UTY: variants seen among roughly 807,000 people sequenced by gnomAD.
UTY encodes ubiquitously transcribed tetratricopeptide repeat containing, Y-linked.
UTY carries 12 observed loss-of-function variants against 32.5 expected under a neutral mutation model. The observed-to-expected ratio is 0.37, with a 90% CI of 0.24 to 0.60. The LOEUF (loss-of-function observed/expected upper bound fraction) is 0.60. UTY is among the 20% of genes least tolerant of loss of function. The pLI is 0.69. For missense variants in UTY, 303 were observed against 299.2 expected (o/e 1.01, Z -0.09); for synonymous variants, 131 against 103.4 (o/e 1.27, Z -1.62).
At chrY:13,360,378 A>G (rs1603435392) in intron 11 of UTY, 52 bp downstream of exon 11, 2 of 324,049 alleles carry the variant, frequency 6.2e-6, no homozygotes, top group East Asian at 9.5e-5. Flanking sequence ...AGATGTTTCA[A>G]TCATCCAGTG....
At chrY:13,345,471 C>G (rs2061827585) in intron 17 of UTY, among the ~76,000 whole-genome samples, 1 of 34,109 alleles carries the variant, frequency 2.9e-5, no homozygotes, top group Non-Finnish European at 7.3e-5. Context: ...ACTGAATTTA[C>G]AAGCATAATT....
chrY:13,236,694 C>T, intron 28 of UTY, among the ~76,000 whole-genome samples: 1 of 33,095 alleles, frequency 3.0e-5, no homozygotes, highest in Non-Finnish European at 7.4e-5. Context: ...AAATTAAATA[C>T]GCATGCAACA....
chrY:13,447,221 G>A (rs2150052476), intron 4 of UTY, among the ~76,000 whole-genome samples: 1 of 32,887 alleles, frequency 3.0e-5, no homozygotes, highest in South Asian at 6.8e-4. Context: ...AGAACATGTG[G>A]TGTTTGGTTT....
chrY:13,336,837 T>TA (rs2061124469), intron 17 of UTY, among the ~76,000 whole-genome samples: 1 of 33,299 alleles, frequency 3.0e-5, no homozygotes, highest in Admixed American at 2.8e-4. Flanking sequence ...ATCAAAAAGA[T>TA]AAAGTCCTAT....
At chrY:13,381,456 G>A (rs753843705) in intron 8 of UTY, among the ~76,000 whole-genome samples, 2 of 34,160 alleles carry the variant, frequency 5.9e-5, no homozygotes, top group South Asian at 1.3e-3. Context: ...CCCGGGAGGC[G>A]GAGGCTGCAG....
At chrY:13,305,347 T>C in intron 24 of UTY, 52 bp downstream of exon 24, 1 of 365,878 alleles carries the variant, frequency 2.7e-6, no homozygotes, top group Non-Finnish European at 3.9e-6. Context: ...CTGCTCCGCA[T>C]GATAAACTCA....
In UTY at chrY:13,318,997, A is replaced by T. The variant is rs568427412; in HGVS notation, c.3276+4558T>A. The stretch of plus-strand genomic sequence containing the variant: ...CAGCCTGGGGACAGAGTGAAACTCC[A>T]TCTCAACCACCACCACCAACACCAA... On this transcript the variant is annotated intron_variant, in intron 21 of 29. Coordinates refer to ENST00000545955, the MANE Select transcript of UTY (RefSeq NM_001258249.2). 1.2e-4 allele frequency among the ~76,000 whole-genome samples: 4 copies of T among 32,767 alleles called. No individual in the cohort carries two copies. The South Asian group carries it at 2.7e-3, about 22-fold the overall frequency. 87.9% of individuals were successfully genotyped at this position (32,767 alleles called of 37,273 possible).
chrY:13,374,278 G>A (rs776993096), intron 8 of UTY, among the ~76,000 whole-genome samples: 4 of 32,576 alleles, frequency 1.2e-4, no homozygotes, highest in South Asian at 1.4e-3. Context: ...TGATCCGCCC[G>A]CCTCGGCCTC....
intron 21 of UTY, 34 bp from the exon 22 acceptor site, chrY:13,306,284 A>G (rs766825675): frequency 3.5e-6 from 1 of 288,390 alleles, no homozygotes; most frequent in South Asian, 3.5e-5. Context: ...CATACTTAGT[A>G]TCCTCTAACA....
chrY:13,267,801 T>C (rs2055953321), intron 27 of UTY, among the ~76,000 whole-genome samples: 1 of 33,393 alleles, frequency 3.0e-5, no homozygotes, highest in Admixed American at 2.7e-4. Flanking sequence ...TATGAAATTC[T>C]GTGGATATGA....
intron 21 of UTY, among the ~76,000 whole-genome samples, chrY:13,312,771 G>T (rs749595972): frequency 3.1e-5 from 1 of 32,759 alleles, no homozygotes; most frequent in African/African-American, 1.2e-4. Flanking sequence ...AAAAAAAAAG[G>T]AAAGTGTTCA....
intron 6 of UTY, among the ~76,000 whole-genome samples, chrY:13,409,741 T>C (rs2070623350): frequency 3.0e-5 from 1 of 33,550 alleles, no homozygotes; most frequent in Admixed American, 2.7e-4. Context: ...GACCTCTCTC[T>C]GTAGGCACTG....
chrY:13,300,181 A>C (rs2058299018), intron 25 of UTY: 1 of 34,431 alleles, frequency 2.9e-5, no homozygotes, highest in Non-Finnish European at 6.9e-5. Context: ...CACATATACA[A>C]ACCACCACTG....
At position 13,335,901 on chromosome Y, in the gene UTY, G is replaced by T; in HGVS notation, c.2496C>A (p.Ala832=). The change falls in exon 18 of 30, where the codon GCC becomes GCA. Residue 832 remains alanine (A), a synonymous_variant. Transcript: ENST00000545955. ...PQLSALLIGK[A]NGNVGTGTCD... Reference sequence around the variant, plus strand: ...AGGTTCCAGTACCCACATTGCCATTGGCTTTTCCAATCAACAAAGCAGAGA... The same window carrying T: ...AGGTTCCAGTACCCACATTGCCATTTGCTTTTCCAATCAACAAAGCAGAGA... 1 of 398,943 alleles carries T rather than the reference G, an allele frequency of 2.5e-6. No individual in the cohort carries two copies. Among genetic ancestry groups the T allele is most frequent in the African/African-American group, 6.1e-5 (1 of 16,277 alleles).
At chrY:13,398,335 G>A (rs2068501563) in intron 6 of UTY, among the ~76,000 whole-genome samples, 1 of 33,366 alleles carries the variant, frequency 3.0e-5, no homozygotes, top group South Asian at 6.5e-4. Flanking sequence ...TATTTAAGTT[G>A]GGCTTTTCAG....
At chrY:13,390,126 CT>C (rs2067346900) in intron 8 of UTY, among the ~76,000 whole-genome samples, 1 of 29,864 alleles carries the variant, frequency 3.3e-5, no homozygotes, top group Non-Finnish European at 8.7e-5. Context: ...CTTTTTGGTT[CT>C]AATAATTTTT....
At chrY:13,241,615 C>T (rs2053903616) in intron 28 of UTY, among the ~76,000 whole-genome samples, 1 of 33,327 alleles carries the variant, frequency 3.0e-5, no homozygotes, top group Non-Finnish European at 7.4e-5. Context: ...CTAAGCTAAC[C>T]AAGGAAAGAA....
chrY:13,466,988 C>A (rs960777704), intron 3 of UTY, among the ~76,000 whole-genome samples: 1 of 34,138 alleles, frequency 2.9e-5, no homozygotes, highest in Non-Finnish European at 7.3e-5. Context: ...TCACTGCCAC[C>A]TCTGCCTCCA....
At chrY:13,290,525 T>C (rs2057699917) in intron 27 of UTY, among the ~76,000 whole-genome samples, 1 of 34,016 alleles carries the variant, frequency 2.9e-5, no homozygotes, top group Non-Finnish European at 7.3e-5. Flanking sequence ...ATAAAAAGTC[T>C]CACAGAAAAG....
Sources: allele counts gnomAD v4.1 joint callset (sites outside exome capture counted in the v4.1 genomes callset), GRCh38; gene constraint gnomAD v4.1.1; transcripts MANE v1.5; gene names NCBI Gene and HGNC (gene_info 2026-07-23, HGNC 2026-07-21).